HK1: variants seen among roughly 807,000 people sequenced by gnomAD.
HK1 encodes the protein hexokinase-1.
HK1 carries 28 observed loss-of-function variants against 91.6 expected under a neutral mutation model. That is an observed-to-expected ratio of 0.31 (90% CI 0.23 to 0.42). The LOEUF (loss-of-function observed/expected upper bound fraction) is 0.42, where lower values mean the gene tolerates loss of function less well. HK1 is among the 10% of genes least tolerant of loss of function. The pLI is 1.00. For synonymous variants in HK1, 430 were observed against 468.1 expected, an observed-to-expected ratio of 0.92 and a Z score of 1.05; for missense variants, 770 against 1,219.8, an observed-to-expected ratio of 0.63 and a Z score of 5.49.
At chr10:69,290,749 C>T (rs1298531639) in intron 3 of HK1, among the ~76,000 whole-genome samples, 2 of 152,180 alleles carry the variant, frequency 1.3e-5, no homozygotes, top group Admixed American at 6.5e-5. Context: ...ATCCACCCGC[C>T]TCAGCCTCTC....
At chr10:69,384,287 G>A in intron 10 of HK1, 46 bp from the exon 11 acceptor site, 1 of 1,613,502 alleles carries the variant, frequency 6.2e-7, no homozygotes, top group Non-Finnish European at 8.5e-7. Context: ...GCTGCCAAGA[G>A]GCACTTAGCT....
intron 4 of HK1, among the ~76,000 whole-genome samples, chr10:69,297,588 C>G (rs765694050): frequency 8.5e-5 from 13 of 152,104 alleles, no homozygotes; most frequent in Non-Finnish European, 1.5e-4. Flanking sequence ...TCTGAAGCAT[C>G]GCAGCTTTAG....
At chr10:69,339,994 C>T (rs912572797) in intron 1 of HK1, among the ~76,000 whole-genome samples, 1 of 152,200 alleles carries the variant, frequency 6.6e-6, no homozygotes, top group Admixed American at 6.5e-5. Context: ...TCTTGATATA[C>T]TGATATACTG....
Position 69,368,482 on chromosome 10 carries a change from G to A in HK1, c.496-54G>A, listed in dbSNP as rs1030632210. The A allele has an allele frequency of 8.9e-6, 13 of 1,468,704 alleles. No homozygotes were observed. The African/African-American group carries it at 1.7e-4, about 19-fold the overall frequency. 91.0% of individuals were successfully genotyped at this position (1,468,704 alleles called of 1,614,324 possible). A position where few individuals can be genotyped will look rare whatever the true frequency, so the allele number is the denominator to read the frequency against. On this transcript the variant is annotated intron_variant, in intron 4 of 17. Transcript: ENST00000359426. ...GTCCTGGAGCAATGCCCAGGGCCTTGGGGTGCTGGAGGCCTCCCAGCCCTC... is the reference window on the plus strand; with the variant it reads ...GTCCTGGAGCAATGCCCAGGGCCTTAGGGTGCTGGAGGCCTCCCAGCCCTC...
intron 5 of HK1, among the ~76,000 whole-genome samples, chr10:69,304,500 G>C (rs149310724): frequency 6.6e-6 from 1 of 152,016 alleles, no homozygotes; most frequent in Non-Finnish European, 1.5e-5. Flanking sequence ...TAGAAGCAGC[G>C]TTTCACCATG....
chr10:69,367,424 C>CAGTATGA (rs1849765541), intron 4 of HK1, among the ~76,000 whole-genome samples: 1 of 152,210 alleles, frequency 6.6e-6, no homozygotes, highest in South Asian at 2.1e-4. Context: ...AATGGGCAGA[C>CAGTATGA]AGTATGAAGT....
At chr10:69,343,492 G>C (rs983154522) in intron 1 of HK1, among the ~76,000 whole-genome samples, 1 of 152,186 alleles carries the variant, frequency 6.6e-6, no homozygotes, top group Non-Finnish European at 1.5e-5. Context: ...AATTCTCAGA[G>C]AGAGAAGGAG....
chr10:69,386,779 T>A (rs58144723), intron 13 of HK1: 23,133 of 157,516 alleles, frequency 0.15, 2,199 homozygotes, highest in East Asian at 0.34. Flanking sequence ...ACTCCATCTC[T>A]AAATAAATAA....
intron 1 of HK1, chr10:69,338,124 T>C (rs983388192): frequency 3.1e-4 from 142 of 456,594 alleles, no homozygotes; most frequent in Non-Finnish European, 4.2e-4. Flanking sequence ...GGTCCAACTT[T>C]GGGAGCCGCT....
intron 3 of HK1, among the ~76,000 whole-genome samples, chr10:69,360,281 G>A (rs1849352337): frequency 6.6e-6 from 1 of 152,252 alleles, no homozygotes. Flanking sequence ...GAAGTGGGCT[G>A]CTTGGACTAG....
intron 3 of HK1, among the ~76,000 whole-genome samples, chr10:69,289,781 T>A (rs1845212611): frequency 1.3e-5 from 2 of 151,094 alleles, no homozygotes; most frequent in South Asian, 4.2e-4. Context: ...CAATTTTTTT[T>A]TTTTTTTTTT....
At chr10:69,359,819 C>G in intron 2 of HK1, 78 bp from the exon 3 acceptor site, 1 of 1,425,812 alleles carries the variant, frequency 7.0e-7, no homozygotes, top group Non-Finnish European at 9.9e-7. Context: ...GGCCTACGCC[C>G]TGCCAGGAAG....
intron 5 of HK1, among the ~76,000 whole-genome samples, chr10:69,307,282 C>A (rs1268071173): frequency 1.3e-5 from 2 of 152,082 alleles, no homozygotes; most frequent in Admixed American, 6.6e-5. Context: ...TCCACCCCCA[C>A]CCCCCGGGGG....
At position 69,380,808 on chromosome 10, in the gene HK1, C is replaced by CT. The variant is rs1159723585; in HGVS notation, c.1265+720dup. Reference sequence around the variant, plus strand: ...TTGTCCTGTGAGAACGTGGCTTATACTTTTTTTAAAAGGCTAAAGGGAAAT... The same window carrying CT: ...TTGTCCTGTGAGAACGTGGCTTATACTTTTTTTTAAAAGGCTAAAGGGAAAT... On this transcript the variant is annotated intron_variant, in intron 9 of 17. Transcript: ENST00000359426. The surrounding 1 kb of genome is among the most constrained non-coding windows in gnomAD (Gnocchi z 4.0). Among the ~76,000 whole-genome samples the CT allele has an allele frequency of 1.3e-5, 2 of 152,146 alleles. No individual in the cohort carries two copies. The highest frequency in any genetic ancestry group is 4.8e-5 in the African/African-American group (2 of 41,436).
chr10:69,300,300 A>G (rs764158507), intron 4 of HK1: 1 of 350,310 alleles, frequency 2.9e-6, no homozygotes, highest in East Asian at 6.8e-5. Flanking sequence ...ATAATCATAC[A>G]TATGTACTCT....
intron 1 of HK1, among the ~76,000 whole-genome samples, chr10:69,329,685 C>G (rs952029877): frequency 6.6e-6 from 1 of 152,158 alleles, no homozygotes; most frequent in East Asian, 1.9e-4. Context: ...GTTCTTTCCA[C>G]CATTACACCC....
intron 3 of HK1, chr10:69,292,442 C>T (rs570935238): frequency 1.6e-5 from 6 of 371,674 alleles, no homozygotes; most frequent in Non-Finnish European, 1.1e-5. Flanking sequence ...AGGGGAGATA[C>T]ACACATGGAT....
At chr10:69,359,759 G>C in intron 2 of HK1, 138 bp from the exon 3 acceptor site, 1 of 834,948 alleles carries the variant, frequency 1.2e-6, no homozygotes, top group Non-Finnish European at 2.0e-6. Flanking sequence ...AAGTTTGCAT[G>C]ATTGCTGCTT....
At chr10:69,286,458 C>A (rs1235509207) in intron 2 of HK1, among the ~76,000 whole-genome samples, 1 of 152,140 alleles carries the variant, frequency 6.6e-6, no homozygotes, top group Non-Finnish European at 1.5e-5. Flanking sequence ...TGCACTACTG[C>A]ACTCCAGCCC....
Sources: gnomAD v4.1 joint callset for allele counts (sites outside exome capture counted in the v4.1 genomes callset) on GRCh38, gnomAD v4.1.1 for gene constraint, Gnocchi (gnomAD v3.1) non-coding constraint, MANE v1.5 for transcripts, NCBI Gene and HGNC (gene_info 2026-07-23, HGNC 2026-07-21) for gene names.